Variants in FRMPD4 observed in about 807,000 individuals in gnomAD.
The protein encoded by FRMPD4 is FERM and PDZ domain-containing protein 4.
Under a neutral mutation model 94.1 loss-of-function variants are expected in FRMPD4, and 22 were observed. The observed-to-expected ratio is 0.23, with a 90% CI of 0.17 to 0.33. The LOEUF (loss-of-function observed/expected upper bound fraction) is 0.33. Ranked by LOEUF, FRMPD4 falls within the 10% of genes least tolerant of loss-of-function variation. The pLI is 1.00. For missense variants in FRMPD4, 1,111 were observed against 1,339.9 expected (o/e 0.83, Z 2.67); for synonymous variants, 631 against 548.6 (o/e 1.15, Z -2.10).
At chrX:12,299,382 A>G (rs1436882580) in intron 1 of FRMPD4, among the ~76,000 whole-genome samples, 7 of 110,679 alleles carry the variant, frequency 6.3e-5, no homozygotes, top group Non-Finnish European at 9.5e-5. Flanking sequence ...TAAATAAGTC[A>G]AATTTCTGAT....
chrX:12,355,182 C>CTT (rs546045763), intron 1 of FRMPD4, among the ~76,000 whole-genome samples: 12 of 102,034 alleles, frequency 1.2e-4, no homozygotes, highest in Non-Finnish European at 1.6e-4. Context: ...GAGATGCTAC[C>CTT]TTTTTTTTTT....
At chrX:12,139,784 G>T (rs1482510321) in intron 1 of FRMPD4, among the ~76,000 whole-genome samples, 2 of 111,613 alleles carry the variant, frequency 1.8e-5, no homozygotes, top group Non-Finnish European at 3.8e-5. Context: ...GAGCCACAGA[G>T]TAAGGTTTGT....
Position 12,252,727 on chromosome X carries a change from C to T in FRMPD4, c.41+113715C>T, listed in dbSNP as rs750434481. Among the ~76,000 whole-genome samples, 8 of 111,188 alleles carry T rather than the reference C, an allele frequency of 7.2e-5. No homozygotes were observed. In the South Asian group the frequency reaches 1.9e-3, roughly 27 times the overall value. ...TCAGACATATGGAAAACCATATGTA[C>T]GAGGAGGAAAAAAACTCAGGTGTGT... is the stretch of plus-strand genomic sequence containing the variant. On this transcript the variant is annotated intron_variant, in intron 1 of 16. Coordinates refer to ENST00000675598, the MANE Select transcript of FRMPD4 (RefSeq NM_001368397.1).
At chrX:12,258,636 T>A (rs1178658483) in intron 1 of FRMPD4, among the ~76,000 whole-genome samples, 1 of 111,875 alleles carries the variant, frequency 8.9e-6, no homozygotes, top group African/African-American at 3.2e-5. Flanking sequence ...AATGTCACCA[T>A]AGATCTCCTG....
At chrX:12,116,760 C>G (rs1021710905) in intron 3 of FRMPD4, among the ~76,000 whole-genome samples, 23 of 111,836 alleles carry the variant, frequency 2.1e-4, no homozygotes, top group Non-Finnish European at 1.3e-4. Flanking sequence ...GCCATGAGCA[C>G]CTGATATTCT....
At position 12,724,120 on chromosome X, in the gene FRMPD4, G is replaced by A. The variant is rs752580494; in HGVS notation, c.*2262G>A. On this transcript the variant is annotated 3_prime_UTR_variant, in exon 17 of 17. Coordinates refer to ENST00000675598, the MANE Select transcript of FRMPD4 (RefSeq NM_001368397.1). ...TGACTGTGTGCAGAACACATTATGT[G>A]TATTGCATATATGTAAAAGAAGTGT... 1 of 111,846 alleles carries A rather than the reference G, an allele frequency of 8.9e-6. No individual in the cohort carries two copies. Among genetic ancestry groups the A allele is most frequent in the Non-Finnish European group, 1.9e-5 (1 of 53,179 alleles). The allele number at this position is 111,846 out of a possible 1,213,427, so 9.2% of individuals were successfully genotyped here.
chrX:12,270,977 T>C lies in FRMPD4; in HGVS notation c.41+131965T>C, dbSNP rs773584525. Among the ~76,000 whole-genome samples, 7 of 112,285 alleles carry C rather than the reference T, an allele frequency of 6.2e-5. No individual in the cohort carries two copies. In the East Asian group the frequency reaches 1.9e-3, roughly 31 times the overall value. The stretch of plus-strand genomic sequence containing the variant: ...AATTTCTTGTATGTCTAAAATAAAA[T>C]GTTTAAAAAATCAAAACAACCAGGA... On this transcript the variant is annotated intron_variant, in intron 1 of 16. Coordinates refer to ENST00000675598, the MANE Select transcript of FRMPD4 (RefSeq NM_001368397.1).
intron 1 of FRMPD4, among the ~76,000 whole-genome samples, chrX:12,221,443 A>G (rs1451727195): frequency 8.9e-6 from 1 of 112,559 alleles, no homozygotes; most frequent in Non-Finnish European, 1.9e-5. Flanking sequence ...ACAAAGGAAA[A>G]TACAATGCAC....
intron 3 of FRMPD4, among the ~76,000 whole-genome samples, chrX:11,955,603 G>C (rs967150966): frequency 2.5e-4 from 27 of 110,103 alleles, no homozygotes; most frequent in African/African-American, 8.6e-4. Context: ...TTAGCTGGGC[G>C]TGGTGGCAGG....
intron 1 of FRMPD4, among the ~76,000 whole-genome samples, chrX:12,190,405 C>T (rs2056476267): frequency 9.1e-6 from 1 of 110,368 alleles, no homozygotes; most frequent in South Asian, 3.9e-4. Context: ...AAGAACAAAG[C>T]CAGAGGACTG....
intron 1 of FRMPD4, among the ~76,000 whole-genome samples, chrX:12,237,655 T>A (rs1233922160): frequency 8.9e-6 from 1 of 112,073 alleles, no homozygotes; most frequent in Non-Finnish European, 1.9e-5. Context: ...TGATATTTGA[T>A]CCAAAGATTT....
At chrX:11,970,168 A>C (rs779086572) in intron 3 of FRMPD4, among the ~76,000 whole-genome samples, 1 of 112,338 alleles carries the variant, frequency 8.9e-6, no homozygotes, top group Non-Finnish European at 1.9e-5. Context: ...CATATTATTA[A>C]GGTTCTGCAT....
At chrX:12,146,570 T>C (rs1297565368) in intron 1 of FRMPD4, among the ~76,000 whole-genome samples, 3 of 111,546 alleles carry the variant, frequency 2.7e-5, no homozygotes, top group African/African-American at 9.8e-5. Flanking sequence ...GCATAAACTC[T>C]TCATTTTGTC....
chrX:12,341,613 T>G (rs1448787960), intron 1 of FRMPD4: 1 of 330,237 alleles, frequency 3.0e-6, no homozygotes, highest in Non-Finnish European at 5.9e-6. Flanking sequence ...ACAGAGCAGT[T>G]CAGTGGCATG....
At chrX:12,107,168 C>T (rs1298881227) in intron 3 of FRMPD4, among the ~76,000 whole-genome samples, 2 of 111,867 alleles carry the variant, frequency 1.8e-5, no homozygotes, top group Non-Finnish European at 3.8e-5. Flanking sequence ...CAGACTGACA[C>T]CTCACATGGC....
At chrX:12,110,912 A>G (rs2055354703) in intron 3 of FRMPD4, among the ~76,000 whole-genome samples, 1 of 111,704 alleles carries the variant, frequency 9.0e-6, no homozygotes, top group African/African-American at 3.3e-5. Context: ...TGCTCAATGA[A>G]ATAAAAGAGG....
intron 13 of FRMPD4, among the ~76,000 whole-genome samples, chrX:12,710,058 G>A (rs1187217287): frequency 9.0e-6 from 1 of 111,594 alleles, no homozygotes; most frequent in African/African-American, 3.3e-5. Context: ...AACCCAGGAG[G>A]TGGAGGTTGC....
At chrX:12,182,802 A>T (rs1303258047) in intron 1 of FRMPD4, among the ~76,000 whole-genome samples, 2 of 111,445 alleles carry the variant, frequency 1.8e-5, no homozygotes, top group African/African-American at 6.5e-5. Context: ...ATCCAGTGAG[A>T]TATGGCCTTG....
At chrX:11,861,470 AAAG>A (rs929027250) in intron 1 of FRMPD4, among the ~76,000 whole-genome samples, 3 of 111,911 alleles carry the variant, frequency 2.7e-5, no homozygotes, top group Non-Finnish European at 5.6e-5. Context: ...AATATGAAAT[AAAG>A]AAGGTCATTT....
Sources: gnomAD v4.1 joint callset for allele counts (sites outside exome capture counted in the v4.1 genomes callset) on GRCh38, gnomAD v4.1.1 for gene constraint, MANE v1.5 for transcripts, NCBI Gene and HGNC (gene_info 2026-07-23, HGNC 2026-07-21) for gene names.